The following NEK1 variants were observed in gnomAD, a reference collection of about 807,000 sequenced individuals.
NEK1 encodes serine/threonine-protein kinase Nek1.
Under a neutral mutation model 182.1 loss-of-function variants are expected in NEK1, and 137 were observed. That is an observed-to-expected ratio of 0.75 (90% CI 0.65 to 0.87). The LOEUF (loss-of-function observed/expected upper bound fraction) is 0.87. Ranked by LOEUF, NEK1 falls within the 40% of genes least tolerant of loss-of-function variation. NEK1 has a pLI of 0.00. For missense variants in NEK1, 1,391 were observed against 1,494.4 expected (o/e 0.93, Z 1.14); for synonymous variants, 513 against 492.2 (o/e 1.04, Z -0.56).
intron 2 of NEK1, among the ~76,000 whole-genome samples, chr4:169,605,356 CA>C (rs1289128042): frequency 1.3e-5 from 2 of 152,142 alleles, no homozygotes; most frequent in East Asian, 3.9e-4. Context: ...TAATTGCCAT[CA>C]AATATGTCAA....
chr4:169,483,004 A>T (rs1156653380), intron 23 of NEK1, among the ~76,000 whole-genome samples: 2 of 152,180 alleles, frequency 1.3e-5, no homozygotes, highest in African/African-American at 4.8e-5. Flanking sequence ...CTGGCGCAAG[A>T]GGCTTAATTC....
intron 33 of NEK1, 28 bp downstream of exon 33, chr4:169,401,624 A>G: frequency 6.3e-7 from 1 of 1,589,654 alleles, no homozygotes; most frequent in East Asian, 2.2e-5. Context: ...ACTGAAAAAG[A>G]AAAAGGTCCA....
At position 169,561,497 on chromosome 4, in the gene NEK1, C is replaced by T. The variant is rs1451915235; in HGVS notation, c.1249G>A (p.Gly417Arg). 6.2e-7 allele frequency: 1 copy of T among 1,613,420 alleles called. No homozygotes were observed. Among genetic ancestry groups the T allele is most frequent in the Admixed American group, 1.7e-5 (1 of 59,994 alleles). ...QGWRNVLSAG[G>R]SGEVKAPFLG... is the part of the protein sequence containing the mutation. ...ATGCCTACCTTTACTTCACCACTTC[C>T]ACCAGCACTTAGCACATTTCTCCAT... Residue 417 changes from glycine to arginine, a missense_variant, in exon 16 of 36, where the codon GGA (glycine) becomes AGA (arginine). Gly to Arg is a moderately radical substitution (Grantham distance 125). This residue lies in a region of NEK1 where 1,216 missense variants were observed against 1,277.6 expected (regional missense o/e 0.95). Transcript: ENST00000507142.
chr4:169,452,648 T>C (rs971610830), intron 27 of NEK1, among the ~76,000 whole-genome samples: 4 of 152,186 alleles, frequency 2.6e-5, no homozygotes, highest in African/African-American at 9.7e-5. Context: ...ACACTAGGTA[T>C]TGACAGAACA....
At chr4:169,547,658 G>C (rs1198760940) in intron 18 of NEK1, among the ~76,000 whole-genome samples, 1 of 152,070 alleles carries the variant, frequency 6.6e-6, no homozygotes, top group Non-Finnish European at 1.5e-5. Context: ...ATTTCTTGGA[G>C]GCTTTGTTCG....
intron 26 of NEK1, among the ~76,000 whole-genome samples, chr4:169,470,843 CTT>C (rs1454716792): frequency 6.6e-6 from 1 of 152,020 alleles, no homozygotes; most frequent in Non-Finnish European, 1.5e-5. Context: ...TTTCTCTAAT[CTT>C]GTCTTCACTC....
intron 32 of NEK1, among the ~76,000 whole-genome samples, chr4:169,403,183 T>C (rs1034476991): frequency 1.3e-5 from 2 of 152,302 alleles, no homozygotes; most frequent in Admixed American, 1.3e-4. Flanking sequence ...GTAGGAGCTA[T>C]AGAAAAGCAA....
At chr4:169,526,315 C>T (rs942034710) in intron 19 of NEK1, among the ~76,000 whole-genome samples, 8 of 152,078 alleles carry the variant, frequency 5.3e-5, no homozygotes, top group Non-Finnish European at 7.4e-5. Context: ...ACAGCAAGAC[C>T]TAACTCTACA....
chr4:169,485,427 T>C (rs1748862580), intron 23 of NEK1, among the ~76,000 whole-genome samples: 1 of 152,206 alleles, frequency 6.6e-6, no homozygotes, highest in Non-Finnish European at 1.5e-5. Context: ...TTGGGCCTTC[T>C]GTATAAATAT....
At chr4:169,418,599 C>T (rs573175491) in intron 31 of NEK1, among the ~76,000 whole-genome samples, 3 of 151,732 alleles carry the variant, frequency 2.0e-5, no homozygotes, top group South Asian at 4.2e-4. Flanking sequence ...CACACAATAT[C>T]GAAATAAAAG....
At chr4:169,444,331 C>T (rs1740082370) in intron 27 of NEK1, among the ~76,000 whole-genome samples, 1 of 151,848 alleles carries the variant, frequency 6.6e-6, no homozygotes, top group South Asian at 2.1e-4. Context: ...TACAGGTTGG[C>T]TGAATGGTTA....
intron 35 of NEK1, 187 bp downstream of exon 35, chr4:169,400,034 TTAAG>T (rs1731382908): frequency 3.0e-6 from 2 of 656,694 alleles, no homozygotes; most frequent in Non-Finnish European, 5.4e-6. Context: ...CTTAAAGGAC[TTAAG>T]TCAGTAAAAG....
intron 28 of NEK1, among the ~76,000 whole-genome samples, chr4:169,434,290 A>G (rs1021087520): frequency 6.8e-6 from 1 of 146,386 alleles, no homozygotes; most frequent in Non-Finnish European, 1.5e-5. Flanking sequence ...CTCACTCACT[A>G]CAACCTACAC....
intron 26 of NEK1, among the ~76,000 whole-genome samples, chr4:169,474,060 G>T (rs1382087668): frequency 6.6e-6 from 1 of 151,914 alleles, no homozygotes; most frequent in Non-Finnish European, 1.5e-5. Flanking sequence ...TGGGGTGATA[G>T]CTAAAGAACA....
At chr4:169,477,394 A>T in intron 25 of NEK1, 38 bp downstream of exon 25, 1 of 1,562,580 alleles carries the variant, frequency 6.4e-7, no homozygotes, top group Non-Finnish European at 8.7e-7. Context: ...GTATATCATT[A>T]AGTAAAATGA....
intron 35 of NEK1, 93 bp from the exon 36 acceptor site, chr4:169,394,616 C>A: frequency 2.9e-6 from 2 of 688,248 alleles, no homozygotes; most frequent in Admixed American, 3.3e-5. Flanking sequence ...AGGAGAAGAG[C>A]TTTAATGTAG....
In NEK1 at chr4:169,595,985, G is replaced by A. The variant is rs576164898; in HGVS notation, c.312+3115C>T. Among the ~76,000 whole-genome samples the A allele has an allele frequency of 5.1e-4, 77 of 150,962 alleles. No individual in the cohort carries two copies. In the East Asian group the frequency reaches 9.4e-3, roughly 18 times the overall value. On this transcript the variant is annotated intron_variant, in intron 5 of 35. Coordinates refer to ENST00000507142, the MANE Select transcript of NEK1 (RefSeq NM_001199397.3). ...ACCAATACTTACATAGTGCTGCCAG[G>A]AAACTGTCCTGTTATCTAACTTACA...
intron 5 of NEK1, among the ~76,000 whole-genome samples, chr4:169,591,294 G>A (rs933061962): frequency 6.6e-6 from 1 of 151,834 alleles, no homozygotes; most frequent in African/African-American, 2.4e-5. Context: ...ATAGGTGCAT[G>A]CCACCACGAG....
At chr4:169,414,248 A>T (rs1009693739) in intron 31 of NEK1, among the ~76,000 whole-genome samples, 62 of 152,192 alleles carry the variant, frequency 4.1e-4, no homozygotes, top group Admixed American at 1.4e-3. Flanking sequence ...TTAAATTTTA[A>T]TGAGTTACAG....
Sources: allele counts gnomAD v4.1 joint callset (sites outside exome capture counted in the v4.1 genomes callset), GRCh38; gene constraint gnomAD v4.1.1; regional missense constraint gnomAD v4.1.1; transcripts MANE v1.5; gene names NCBI Gene and HGNC (gene_info 2026-07-23, HGNC 2026-07-21).